The following PTK2 variants were observed in gnomAD, a reference collection of about 807,000 sequenced individuals.
PTK2 encodes the protein protein tyrosine kinase 2.
In PTK2, 45 loss-of-function variants were observed where a neutral mutation model predicts 150.1. The ratio of observed to expected loss-of-function variants is 0.30; its 90% CI spans 0.24 to 0.38. PTK2 has a LOEUF of 0.38. Among genes scored for constraint, PTK2 ranks in the 10% least tolerant of loss-of-function variants. The pLI is 1.00. For synonymous variants in PTK2, 432 were observed against 449.2 expected, an observed-to-expected ratio of 0.96 and a Z score of 0.48; for missense variants, 919 against 1,307.3, an observed-to-expected ratio of 0.70 and a Z score of 4.58.
At chr8:140,899,766 T>G (rs2100157710) in intron 2 of PTK2, among the ~76,000 whole-genome samples, 2 of 152,270 alleles carry the variant, frequency 1.3e-5, no homozygotes, top group South Asian at 4.1e-4. Flanking sequence ...TTAAGTAGGA[T>G]TCATCCCAGA....
At chr8:140,912,552 A>G (rs539407371) in intron 2 of PTK2, among the ~76,000 whole-genome samples, 1 of 152,230 alleles carries the variant, frequency 6.6e-6, no homozygotes, top group Non-Finnish European at 1.5e-5. Flanking sequence ...CATATGAGCA[A>G]CTGAATAGAT....
At chr8:140,925,716 G>A in exon 2 of PTK2, 1 of 961,598 alleles carries the variant, frequency 1.0e-6, no homozygotes, top group Non-Finnish European at 1.2e-6. Flanking sequence ...CACTGAATTT[G>A]TAACTGGAAG....
intron 16 of PTK2, among the ~76,000 whole-genome samples, chr8:140,760,915 C>A (rs1035012595): frequency 1.2e-4 from 18 of 152,122 alleles, no homozygotes; most frequent in African/African-American, 4.3e-4. Context: ...CCTATAAAAA[C>A]TGTTACTGAT....
chr8:140,661,425 G>C (rs1448121753), intron 31 of PTK2, among the ~76,000 whole-genome samples: 1 of 152,134 alleles, frequency 6.6e-6, no homozygotes, highest in Non-Finnish European at 1.5e-5. Context: ...GTAGGGGATT[G>C]GGAACAGACA....
intron 7 of PTK2, among the ~76,000 whole-genome samples, chr8:140,840,075 T>G (rs1220738636): frequency 6.6e-6 from 1 of 152,170 alleles, no homozygotes. Context: ...AAATGGTTAT[T>G]TTAAGCAAGG....
At chr8:140,754,182 T>G (rs2100064352) in intron 16 of PTK2, among the ~76,000 whole-genome samples, 1 of 152,214 alleles carries the variant, frequency 6.6e-6, no homozygotes, top group African/African-American at 2.4e-5. Flanking sequence ...ATGTGCCAGA[T>G]GCCTCAAGGA....
chr8:140,892,605 C>A (rs2154607450), intron 2 of PTK2: 1 of 459,374 alleles, frequency 2.2e-6, no homozygotes, highest in Non-Finnish European at 4.3e-6. Context: ...ATAAATAATA[C>A]CTTTTTCATC....
Position 140,701,147 on chromosome 8 carries a change from T to G in PTK2, c.2368-125A>C. 2.7e-6 allele frequency: 3 copies of G among 1,129,584 alleles called. No individual in the cohort carries two copies. The South Asian group carries it at 5.8e-5, about 22-fold the overall frequency. The allele number at this position is 1,129,584 out of a possible 1,614,324, so 70.0% of individuals were successfully genotyped here. On this transcript the variant is annotated intron_variant, in intron 25 of 31. Coordinates refer to ENST00000522684, the Ensembl canonical transcript of PTK2. ...CAAGTATGAGAAACAGGATCTCTCA[T>G]ACTGTGCTTGTGGGAATAACTTTTC...
intron 1 of PTK2, among the ~76,000 whole-genome samples, chr8:140,968,621 A>C (rs2154609584): frequency 6.6e-6 from 1 of 152,356 alleles, no homozygotes; most frequent in South Asian, 2.1e-4. Context: ...TGCATTGTAA[A>C]AAATATCCCC....
At chr8:140,907,576 C>A (rs903664101) in intron 2 of PTK2, among the ~76,000 whole-genome samples, 5 of 151,918 alleles carry the variant, frequency 3.3e-5, no homozygotes, top group Admixed American at 1.3e-4. Flanking sequence ...ACAACAACAA[C>A]AAAAAACAAA....
chr8:140,937,972 A>T (rs2100174275), intron 1 of PTK2, among the ~76,000 whole-genome samples: 1 of 152,224 alleles, frequency 6.6e-6, no homozygotes, highest in South Asian at 2.1e-4. Flanking sequence ...TCTGTTGAAA[A>T]ATATACTCAG....
chr8:140,933,267 GA>G (rs768900973), intron 1 of PTK2, among the ~76,000 whole-genome samples: 1 of 150,292 alleles, frequency 6.7e-6, no homozygotes, highest in Non-Finnish European at 1.5e-5. Context: ...ATTTCCTTTA[GA>G]AAAAAACAGA....
chr8:140,794,635 G>A (rs62524106), intron 12 of PTK2, among the ~76,000 whole-genome samples: 98 of 152,068 alleles, frequency 6.4e-4, no homozygotes, highest in Non-Finnish European at 1.3e-3. Flanking sequence ...TGGGCCTCCC[G>A]AACCTTGTAC....
At chr8:140,949,575 G>A (rs1040842638) in intron 1 of PTK2, among the ~76,000 whole-genome samples, 10 of 152,224 alleles carry the variant, frequency 6.6e-5, no homozygotes, top group East Asian at 1.9e-4. Context: ...CAACCTGGCC[G>A]AGTATGCACA....
intron 7 of PTK2, among the ~76,000 whole-genome samples, chr8:140,836,144 G>A (rs1159273541): frequency 6.6e-6 from 1 of 152,078 alleles, no homozygotes; most frequent in Non-Finnish European, 1.5e-5. Flanking sequence ...TATTAGAAGT[G>A]TTTTGGGTCT....
chr8:140,802,378 AAAAG>A (rs1184393243), intron 11 of PTK2, among the ~76,000 whole-genome samples: 1 of 152,212 alleles, frequency 6.6e-6, no homozygotes, highest in East Asian at 1.9e-4. Flanking sequence ...AGTATGTAAA[AAAAG>A]AAAATTTTTT....
In PTK2 at chr8:140,935,185, C is replaced by T. The variant is rs1277563650; in HGVS notation, c.-121-9436G>A. Among the ~76,000 whole-genome samples, 4 of 152,030 alleles carry T rather than the reference C, an allele frequency of 2.6e-5. No individual in the cohort carries two copies. In the East Asian group the frequency reaches 7.7e-4, roughly 29 times the overall value. On this transcript the variant is annotated intron_variant, in intron 1 of 31. Coordinates refer to ENST00000522684, the Ensembl canonical transcript of PTK2. ...ATCTATTAGACAAACTGTCCATAAA[C>T]GATAGAACCAAACAGAAGGAAAAAA...
chr8:140,978,010 A>G (rs2100189942), intron 1 of PTK2, among the ~76,000 whole-genome samples: 1 of 152,236 alleles, frequency 6.6e-6, no homozygotes, highest in South Asian at 2.1e-4. Context: ...AAATGGGGAA[A>G]GGATTCCCTA....
chr8:140,893,628 GT>G (rs1381867168), intron 2 of PTK2, among the ~76,000 whole-genome samples: 2 of 152,186 alleles, frequency 1.3e-5, no homozygotes, highest in African/African-American at 4.8e-5. Context: ...GTGGCTGGGG[GT>G]AGGGCAGAGT....
Sources: allele counts gnomAD v4.1 joint callset (sites outside exome capture counted in the v4.1 genomes callset), GRCh38; gene constraint gnomAD v4.1.1; transcripts MANE v1.5; gene names NCBI Gene and HGNC (gene_info 2026-07-23, HGNC 2026-07-21).